The following SLC8A1 variants were observed in gnomAD, a reference collection of about 807,000 sequenced individuals.
The protein encoded by SLC8A1 is solute carrier family 8 member A1.
A neutral mutation model predicts 68.3 loss-of-function variants in SLC8A1; 18 were observed. The ratio of observed to expected loss-of-function variants is 0.26; its 90% CI spans 0.18 to 0.39. SLC8A1 has a LOEUF of 0.39. Ranked by LOEUF, SLC8A1 falls within the 10% of genes least tolerant of loss-of-function variation. SLC8A1 has a pLI of 1.00. For synonymous variants in SLC8A1, 475 were observed against 415.5 expected, an observed-to-expected ratio of 1.14 and a Z score of -1.74; for missense variants, 985 against 1,156.7, an observed-to-expected ratio of 0.85 and a Z score of 2.15.
chr2:40,343,181 G>C (rs777151100), intron 2 of SLC8A1, among the ~76,000 whole-genome samples: 3 of 152,066 alleles, frequency 2.0e-5, no homozygotes, highest in African/African-American at 7.2e-5. Context: ...GTAACATATA[G>C]TACAGCCTCT....
intron 2 of SLC8A1, among the ~76,000 whole-genome samples, chr2:40,333,533 G>A (rs1000905275): frequency 1.4e-4 from 22 of 151,784 alleles, no homozygotes; most frequent in Non-Finnish European, 1.5e-5. Context: ...TGTTATTGGG[G>A]AAAAATCTGA....
chr2:40,197,250 G>T (rs1285232807), intron 2 of SLC8A1, among the ~76,000 whole-genome samples: 1 of 151,932 alleles, frequency 6.6e-6, no homozygotes, highest in Non-Finnish European at 1.5e-5. Context: ...ATTTACTGAG[G>T]GATCCACTTT....
exon 8 of SLC8A1, chr2:40,111,883 C>T (rs1408160697): frequency 1.3e-5 from 2 of 152,056 alleles, no homozygotes; most frequent in Non-Finnish European, 2.9e-5. Context: ...AGTTGTCTGA[C>T]ATGTAACTGT....
intron 2 of SLC8A1, among the ~76,000 whole-genome samples, chr2:40,349,697 G>A (rs900956395): frequency 1.3e-5 from 2 of 152,080 alleles, no homozygotes; most frequent in African/African-American, 4.8e-5. Flanking sequence ...CAAAGCTGTG[G>A]CCTACTTAAG....
chr2:40,479,027 C>T (rs1704470095), intron 1 of SLC8A1, among the ~76,000 whole-genome samples: 1 of 152,172 alleles, frequency 6.6e-6, no homozygotes, highest in East Asian at 1.9e-4. Context: ...CTGCCTCGAC[C>T]TCCCAAAGTG....
intron 2 of SLC8A1, among the ~76,000 whole-genome samples, chr2:40,240,853 T>C (rs1213410645): frequency 6.6e-6 from 1 of 152,164 alleles, no homozygotes; most frequent in Non-Finnish European, 1.5e-5. Flanking sequence ...CACTACTGCC[T>C]GGATGACAGA....
rs529352967 is a variant in SLC8A1, at chr2:40,480,144, T to G, written c.-25+32205A>C. ...GTAGAGAGGCCAGAAACATTTAATC[T>G]TCAGAACTAAACCCCAAAACCTCAT... On this transcript the variant is annotated intron_variant, in intron 1 of 7. Transcript: ENST00000402441. Among the ~76,000 whole-genome samples, 6 of 152,268 alleles carry G rather than the reference T, an allele frequency of 3.9e-5. No homozygotes were observed. The South Asian group carries it at 1.2e-3, about 32-fold the overall frequency.
intron 2 of SLC8A1, among the ~76,000 whole-genome samples, chr2:40,351,974 A>G (rs1671241318): frequency 2.6e-5 from 4 of 152,224 alleles, no homozygotes; most frequent in Admixed American, 2.6e-4. Flanking sequence ...AAGAATCCAA[A>G]TCTTATCCAA....
At chr2:40,299,001 T>C (rs1456479408) in intron 2 of SLC8A1, among the ~76,000 whole-genome samples, 1 of 152,090 alleles carries the variant, frequency 6.6e-6, no homozygotes, top group Non-Finnish European at 1.5e-5. Flanking sequence ...TGAACCTGGA[T>C]CTACTTGGGG....
At chr2:40,469,129 GAAT>G (rs1204346761) in intron 1 of SLC8A1, among the ~76,000 whole-genome samples, 4 of 152,122 alleles carry the variant, frequency 2.6e-5, no homozygotes, top group Non-Finnish European at 5.9e-5. Context: ...TGGTTTGAAA[GAAT>G]AATGATTCAA....
At chr2:40,467,319 C>A (rs945824164) in intron 1 of SLC8A1, among the ~76,000 whole-genome samples, 3 of 152,092 alleles carry the variant, frequency 2.0e-5, no homozygotes, top group African/African-American at 7.2e-5. Flanking sequence ...TATATGAACT[C>A]AATTTTGTTA....
chr2:40,266,064 A>C (rs2065319369), intron 2 of SLC8A1, among the ~76,000 whole-genome samples: 2 of 152,176 alleles, frequency 1.3e-5, no homozygotes, highest in South Asian at 2.1e-4. Context: ...AGAATTCAGA[A>C]TTCTTAGGTT....
chr2:40,220,947 A>G (rs376945877), intron 2 of SLC8A1, among the ~76,000 whole-genome samples: 1 of 152,112 alleles, frequency 6.6e-6, no homozygotes, highest in Non-Finnish European at 1.5e-5. Flanking sequence ...TGCCAGAGGT[A>G]CAAAGAGGAG....
At chr2:40,105,458 T>C (rs1218081428) in exon 8 of SLC8A1, 1 of 152,234 alleles carries the variant, frequency 6.6e-6, no homozygotes, top group Non-Finnish European at 1.5e-5. Flanking sequence ...TGAAGAAGTA[T>C]GAACTAATTC....
intron 2 of SLC8A1, among the ~76,000 whole-genome samples, chr2:40,374,807 G>T (rs1013669057): frequency 1.3e-5 from 2 of 152,002 alleles, no homozygotes; most frequent in African/African-American, 4.8e-5. Flanking sequence ...CATTTCAACT[G>T]CTTTGTGAAT....
intron 1 of SLC8A1, among the ~76,000 whole-genome samples, chr2:40,499,839 A>T (rs562184996): frequency 1.3e-5 from 2 of 152,218 alleles, no homozygotes; most frequent in East Asian, 3.9e-4. Flanking sequence ...TTTGCCTCTC[A>T]TCCCAAGTCC....
At chr2:40,352,240 T>C (rs1671332144) in intron 2 of SLC8A1, among the ~76,000 whole-genome samples, 1 of 152,196 alleles carries the variant, frequency 6.6e-6, no homozygotes, top group South Asian at 2.1e-4. Flanking sequence ...TTTAGGAATA[T>C]ACTCATTTAG....
intron 2 of SLC8A1, among the ~76,000 whole-genome samples, chr2:40,206,824 C>T (rs578182604): frequency 6.6e-6 from 1 of 152,138 alleles, no homozygotes; most frequent in East Asian, 1.9e-4. Flanking sequence ...GCAATATCTT[C>T]TTAAGAGCTC....
At chr2:40,359,023 G>C (rs929374181) in intron 2 of SLC8A1, among the ~76,000 whole-genome samples, 3 of 152,116 alleles carry the variant, frequency 2.0e-5, no homozygotes, top group African/African-American at 7.2e-5. Flanking sequence ...CTCAGAACAG[G>C]AGACAACACG....
Sources: allele counts gnomAD v4.1 joint callset (sites outside exome capture counted in the v4.1 genomes callset), GRCh38; gene constraint gnomAD v4.1.1; transcripts MANE v1.5; gene names NCBI Gene and HGNC (gene_info 2026-07-23, HGNC 2026-07-21).